The following BUB1B variants were observed in gnomAD, a reference collection of about 807,000 sequenced individuals.
BUB1B encodes BUB1 mitotic checkpoint serine/threonine kinase B.
In BUB1B, 86 loss-of-function variants were observed where a neutral mutation model predicts 137.7. That is an observed-to-expected ratio of 0.62 (90% CI 0.52 to 0.75). The LOEUF is 0.75. BUB1B is among the 30% of genes least tolerant of loss of function. The pLI, the probability that BUB1B is intolerant of heterozygous loss-of-function variation, is 0.00. For missense variants in BUB1B, 1,130 were observed against 1,236.9 expected (o/e 0.91, Z 1.30); for synonymous variants, 420 against 417.9 (o/e 1.00, Z -0.06).
At chr15:40,202,847 A>G (rs2037592113) in intron 14 of BUB1B, among the ~76,000 whole-genome samples, 153 bp downstream of exon 14, 1 of 152,262 alleles carries the variant, frequency 6.6e-6, no homozygotes, top group South Asian at 2.1e-4. Flanking sequence ...ATGCAAATCA[A>G]AACCACAGTG....
chr15:40,185,845 A>G (rs2037354840), intron 8 of BUB1B, among the ~76,000 whole-genome samples: 1 of 152,166 alleles, frequency 6.6e-6, no homozygotes, highest in Non-Finnish European at 1.5e-5. Flanking sequence ...TGGGCAGCCT[A>G]GTGAGACCCT....
chr15:40,166,416 T>C (rs1215118697), intron 2 of BUB1B: 5 of 412,340 alleles, frequency 1.2e-5, no homozygotes, highest in Non-Finnish European at 2.4e-5. Context: ...CTTGGCTCAC[T>C]GGAAGCTCTG....
At chr15:40,220,232 A>T (rs1209315717) in intron 22 of BUB1B, among the ~76,000 whole-genome samples, 2 of 152,098 alleles carry the variant, frequency 1.3e-5, no homozygotes, top group Admixed American at 6.5e-5. Flanking sequence ...AATGACCTAG[A>T]CTCTAGGAAA....
intron 2 of BUB1B, among the ~76,000 whole-genome samples, chr15:40,165,934 C>G (rs1283541661): frequency 6.7e-6 from 1 of 150,202 alleles, no homozygotes; most frequent in Non-Finnish European, 1.5e-5. Flanking sequence ...CTCACTGCAA[C>G]CTCTGCCTCC....
rs565666400 is a variant in BUB1B, at chr15:40,220,488, A to G, written c.2958-76A>G. ...TTACACCATTTTGGTGCATAAATGT[A>G]CCACTGAGTTAAACTAAAAGGAATT... On this transcript the variant is annotated intron_variant, in intron 22 of 22. Coordinates refer to ENST00000287598, the MANE Select transcript of BUB1B (RefSeq NM_001211.6). 8.4e-4 allele frequency: 1,235 copies of G among 1,473,980 alleles called. 2 individuals are homozygous for G. Among genetic ancestry groups the G allele is most frequent in the Admixed American group, 1.1e-3 (67 of 59,254 alleles). 91.3% of individuals were successfully genotyped at this position (1,473,980 alleles called of 1,614,324 possible).
intron 13 of BUB1B, 51 bp from the exon 14 acceptor site, chr15:40,202,538 A>G: frequency 6.3e-7 from 1 of 1,596,152 alleles, no homozygotes; most frequent in Non-Finnish European, 8.6e-7. Flanking sequence ...AGGATAAATT[A>G]GGGGTTACTG....
chr15:40,206,642 G>A (rs2037641015), intron 15 of BUB1B, among the ~76,000 whole-genome samples, 184 bp downstream of exon 15: 2 of 152,194 alleles, frequency 1.3e-5, no homozygotes, highest in South Asian at 4.1e-4. Context: ...TGATTTGGAT[G>A]TGAGGGTTAA....
intron 10 of BUB1B, 196 bp from the exon 11 acceptor site, chr15:40,200,048 T>G (rs2037545673): frequency 3.2e-6 from 2 of 624,098 alleles, no homozygotes; most frequent in African/African-American, 3.7e-5. Flanking sequence ...AGTATATGCC[T>G]GGCACTGCTC....
intron 8 of BUB1B, among the ~76,000 whole-genome samples, chr15:40,192,120 G>A (rs1032612786): frequency 6.6e-6 from 1 of 152,190 alleles, no homozygotes; most frequent in African/African-American, 2.4e-5. Flanking sequence ...TCTGGTCCAT[G>A]AACATAGGAT....
At chr15:40,193,099 G>A (rs1313586921) in intron 8 of BUB1B, among the ~76,000 whole-genome samples, 5 of 151,842 alleles carry the variant, frequency 3.3e-5, no homozygotes, top group Admixed American at 1.3e-4. Context: ...ATCTTCCTGC[G>A]TCAGCCTCCC....
chr15:40,181,500 A>G (rs1281530342), intron 5 of BUB1B, among the ~76,000 whole-genome samples: 1 of 151,930 alleles, frequency 6.6e-6, no homozygotes, highest in Non-Finnish European at 1.5e-5. Flanking sequence ...TTTTAAAATG[A>G]TTTTTTATAC....
chr15:40,175,704 C>T (rs1249138386), intron 4 of BUB1B, among the ~76,000 whole-genome samples: 1 of 152,164 alleles, frequency 6.6e-6, no homozygotes, highest in African/African-American at 2.4e-5. Flanking sequence ...CGCTCACCCA[C>T]CCTAACACAT....
chr15:40,186,926 CA>C (rs1479290045), intron 8 of BUB1B: 26 of 147,290 alleles, frequency 1.8e-4, no homozygotes, highest in African/African-American at 6.5e-4. Flanking sequence ...TCTTTTTAAA[CA>C]GAGTCTTGCT....
chr15:40,167,755 AGTT>A (rs1000468594), intron 2 of BUB1B, among the ~76,000 whole-genome samples: 67 of 150,100 alleles, frequency 4.5e-4, no homozygotes, highest in African/African-American at 1.6e-3. Context: ...TTATCTTTCT[AGTT>A]GTTCTGCCTC....
intron 9 of BUB1B, among the ~76,000 whole-genome samples, chr15:40,198,035 A>G (rs1198559603): frequency 6.6e-6 from 1 of 152,168 alleles, no homozygotes; most frequent in Non-Finnish European, 1.5e-5. Flanking sequence ...GGCCAGGCAC[A>G]GTGGCTCACA....
intron 8 of BUB1B, among the ~76,000 whole-genome samples, chr15:40,195,144 T>G (rs866015243): frequency 2.4e-4 from 37 of 151,434 alleles, no homozygotes; most frequent in African/African-American, 8.5e-4. Flanking sequence ...CCCCCATCCT[T>G]TCCCCCAAAT....
At chr15:40,215,279 G>C (rs7163546) in intron 20 of BUB1B, among the ~76,000 whole-genome samples, 72,189 of 151,532 alleles carry the variant, frequency 0.48, 17,964 homozygotes, top group Non-Finnish European at 0.56. Context: ...TTCAAGACCA[G>C]CCTGACCAAC....
Position 40,221,082 on chromosome 15 carries a change from A to G in BUB1B, c.*323A>G, listed in dbSNP as rs1438875780. The G allele has an allele frequency of 1.1e-5, 4 of 373,252 alleles. No individual in the cohort carries two copies. The highest frequency in any genetic ancestry group is 2.0e-5 in the Non-Finnish European group (4 of 202,652). 23.1% of individuals were successfully genotyped at this position (373,252 alleles called of 1,614,324 possible). On this transcript the variant is annotated 3_prime_UTR_variant, in exon 23 of 23. Coordinates refer to ENST00000287598, the MANE Select transcript of BUB1B (RefSeq NM_001211.6). Reference sequence around the variant, plus strand: ...GTAATTTGTAAAATGTTCTCTTATGATCACCATGTATTTTGTAAATAATAA... The same window carrying G: ...GTAATTTGTAAAATGTTCTCTTATGGTCACCATGTATTTTGTAAATAATAA...
rs67153834 is a variant in BUB1B, at chr15:40,204,440, C to CTT, written c.1735-1732_1735-1731dup. Among the ~76,000 whole-genome samples the CTT allele has an allele frequency of 2.6e-4, 38 of 143,822 alleles. 1 individual carries two copies. In the South Asian group the frequency reaches 4.0e-3, roughly 15 times the overall value. The allele number at this position is 143,822 out of a possible 152,430, so 94.4% of individuals were successfully genotyped here. ...GTTAAAGGAGTCCAACTTCATTTAC[C>CTT]TTTTTTTTTTTTTAACCAGTCTTTT... On this transcript the variant is annotated intron_variant, in intron 14 of 22. Transcript: ENST00000287598.
Sources: gnomAD v4.1 joint callset for allele counts (sites outside exome capture counted in the v4.1 genomes callset) on GRCh38, gnomAD v4.1.1 for gene constraint, MANE v1.5 for transcripts, NCBI Gene and HGNC (gene_info 2026-07-23, HGNC 2026-07-21) for gene names.